TSHR: variants seen among roughly 807,000 people sequenced by gnomAD.
TSHR encodes the protein thyrotropin receptor.
Under a neutral mutation model 64.1 loss-of-function variants are expected in TSHR, and 51 were observed. That is an observed-to-expected ratio of 0.80 (90% confidence interval 0.64 to 1.01). The LOEUF (loss-of-function observed/expected upper bound fraction) is 1.01. Ranked by LOEUF, TSHR falls within the 50% of genes least tolerant of loss-of-function variation. TSHR has a pLI of 0.00. For missense variants in TSHR, 877 were observed against 942.8 expected, an observed-to-expected ratio of 0.93 and a Z score of 0.91; for synonymous variants, 361 against 361.9, an observed-to-expected ratio of 1.00 and a Z score of 0.03.
At chr14:81,047,936 G>A (rs1048418038) in intron 1 of TSHR, among the ~76,000 whole-genome samples, 29 of 152,166 alleles carry the variant, frequency 1.9e-4, no homozygotes, top group South Asian at 4.2e-4. Flanking sequence ...GTGAGCCACC[G>A]CGCCCGGCCT....
At chr14:80,989,305 T>G (rs1888616530) in intron 1 of TSHR, among the ~76,000 whole-genome samples, 1 of 152,206 alleles carries the variant, frequency 6.6e-6, no homozygotes, top group Non-Finnish European at 1.5e-5. Context: ...AGCAACTATA[T>G]TTTCTTTATT....
intron 1 of TSHR, chr14:81,001,838 A>C: frequency 4.5e-6 from 1 of 223,846 alleles, no homozygotes; most frequent in Non-Finnish European, 9.0e-6. Flanking sequence ...GAAGAGCGGG[A>C]CTAACTTTCT....
intron 8 of TSHR, among the ~76,000 whole-genome samples, chr14:81,113,258 G>A (rs148655317): frequency 2.0e-3 from 298 of 152,344 alleles, no homozygotes; most frequent in Non-Finnish European, 3.6e-3. Context: ...AACAGGACAT[G>A]CTGATGGATC....
intron 1 of TSHR, among the ~76,000 whole-genome samples, chr14:81,019,223 A>T (rs990481693): frequency 6.6e-6 from 1 of 151,966 alleles, no homozygotes. Flanking sequence ...AGTCCCAACT[A>T]CTCAGGAGGC....
chr14:81,081,079 G>A (rs931184947), intron 3 of TSHR, among the ~76,000 whole-genome samples: 3 of 152,140 alleles, frequency 2.0e-5, no homozygotes, highest in Non-Finnish European at 4.4e-5. Context: ...TGGAGACTGA[G>A]GTGGGAGGAT....
intron 1 of TSHR, among the ~76,000 whole-genome samples, chr14:80,975,377 C>T (rs535104908): frequency 1.2e-4 from 18 of 152,144 alleles, no homozygotes; most frequent in Non-Finnish European, 2.6e-4. Flanking sequence ...TTTTGGTTTC[C>T]TCACCCTATT....
At chr14:80,968,302 G>C (rs1887420760) in intron 1 of TSHR, among the ~76,000 whole-genome samples, 1 of 152,042 alleles carries the variant, frequency 6.6e-6, no homozygotes, top group South Asian at 2.1e-4. Flanking sequence ...ACTCAGACCT[G>C]CCCAAGCTTT....
At chr14:81,094,838 T>A (rs772655238) in intron 6 of TSHR, among the ~76,000 whole-genome samples, 1 of 151,932 alleles carries the variant, frequency 6.6e-6, no homozygotes, top group Non-Finnish European at 1.5e-5. Flanking sequence ...CATGGTCACC[T>A]AATAAGTGTT....
rs759473029 is a variant in TSHR, at chr14:81,062,178, T to C, written c.201T>C (p.Ile67=). ...TTATTGAGACTCACCTGAGAACTATTCCAAGTCATGCATTTTCTAATCTGC... is the reference window on the plus strand; with the variant it reads ...TTATTGAGACTCACCTGAGAACTATCCCAAGTCATGCATTTTCTAATCTGC... The part of the protein sequence containing the change: ...LKLIETHLRT[I]PSHAFSNLPN... Residue 67 remains isoleucine (I), a synonymous_variant, in exon 2 of 10, where the codon ATT becomes ATC. Transcript: ENST00000298171. 2 of 1,612,050 alleles carry C rather than the reference T, an allele frequency of 1.2e-6. No individual in the cohort carries two copies. Among genetic ancestry groups the C allele is most frequent in the Non-Finnish European group, 1.7e-6 (2 of 1,178,846 alleles).
intron 1 of TSHR, among the ~76,000 whole-genome samples, chr14:80,988,055 A>G (rs962782136): frequency 1.3e-4 from 20 of 152,228 alleles, no homozygotes; most frequent in African/African-American, 4.8e-4. Flanking sequence ...GGTCTGAAGT[A>G]GAGGTCTCTT....
At chr14:81,141,003 G>C (rs892696008) in intron 9 of TSHR, among the ~76,000 whole-genome samples, 1 of 152,194 alleles carries the variant, frequency 6.6e-6, no homozygotes, top group African/African-American at 2.4e-5. Context: ...GTGGGTTCCT[G>C]TAATCCCAGC....
chr14:81,101,777 G>A (rs896823251), intron 7 of TSHR, among the ~76,000 whole-genome samples: 4 of 152,106 alleles, frequency 2.6e-5, no homozygotes, highest in Non-Finnish European at 4.4e-5. Context: ...TGGGGTGTGG[G>A]AGGAAATTGG....
intron 8 of TSHR, chr14:81,108,824 T>A: frequency 6.5e-7 from 1 of 1,532,148 alleles, no homozygotes; most frequent in Non-Finnish European, 8.7e-7. Flanking sequence ...TGTACCTGAA[T>A]GTACATTGCA....
chr14:80,996,316 T>C (rs1188313679), intron 1 of TSHR, among the ~76,000 whole-genome samples: 3 of 152,150 alleles, frequency 2.0e-5, no homozygotes, highest in African/African-American at 4.8e-5. Context: ...ATCCTCCCTC[T>C]TTCCTCCCAG....
chr14:80,962,095 G>C (rs1887065027), intron 1 of TSHR, among the ~76,000 whole-genome samples: 1 of 152,062 alleles, frequency 6.6e-6, no homozygotes, highest in South Asian at 2.1e-4. Flanking sequence ...TAGTTCCTCT[G>C]GGCCTCAGTT....
At chr14:81,111,351 C>G (rs1218715713) in intron 8 of TSHR, among the ~76,000 whole-genome samples, 1 of 152,166 alleles carries the variant, frequency 6.6e-6, no homozygotes, top group Non-Finnish European at 1.5e-5. Context: ...CAATGGGCAC[C>G]ATACGTTGAG....
chr14:80,979,561 G>A (rs1390778718), intron 1 of TSHR, among the ~76,000 whole-genome samples: 1 of 152,198 alleles, frequency 6.6e-6, no homozygotes, highest in Non-Finnish European at 1.5e-5. Flanking sequence ...TGTTTGAGGT[G>A]ATGGATTTGC....
Position 81,090,702 on chromosome 14 carries a change from C to A in TSHR, c.393-367C>A, listed in dbSNP as rs371052715. Among the ~76,000 whole-genome samples the A allele has an allele frequency of 1.9e-4, 29 of 152,234 alleles. 1 individual carries two copies. The South Asian group carries it at 5.8e-3, about 31-fold the overall frequency. Reference sequence around the variant, plus strand: ...TCTTCCTGTCCCATCTTCTTCTTAGCCCTTCACTAACAAACACATAATTTT... The same window carrying A: ...TCTTCCTGTCCCATCTTCTTCTTAGACCTTCACTAACAAACACATAATTTT... On this transcript the variant is annotated intron_variant, in intron 4 of 9. Coordinates refer to ENST00000298171, the MANE Select transcript of TSHR (RefSeq NM_000369.5).
chr14:81,115,006 C>T (rs1890428263), intron 8 of TSHR, among the ~76,000 whole-genome samples: 1 of 152,174 alleles, frequency 6.6e-6, no homozygotes, highest in Non-Finnish European at 1.5e-5. Flanking sequence ...ACAGAAAGGA[C>T]ATCCACACCA....
Sources: gnomAD v4.1 joint callset for allele counts (sites outside exome capture counted in the v4.1 genomes callset) on GRCh38, gnomAD v4.1.1 for gene constraint, MANE v1.5 for transcripts, NCBI Gene and HGNC (gene_info 2026-07-23, HGNC 2026-07-21) for gene names.